VSIG8: variants seen among roughly 807,000 people sequenced by gnomAD.
VSIG8 encodes V-set and immunoglobulin domain-containing protein 8.
VSIG8 carries 32 observed loss-of-function variants against 42.6 expected under a neutral mutation model. The ratio of observed to expected loss-of-function variants is 0.75; its 90% CI spans 0.57 to 1.01. The LOEUF (loss-of-function observed/expected upper bound fraction) is 1.01, where lower values mean the gene tolerates loss of function less well. VSIG8 is among the 50% of genes least tolerant of loss of function. The probability of loss-of-function intolerance (pLI) is 0.00; values close to 1 mark genes in which losing one functional copy is unlikely to be tolerated. For missense variants in VSIG8, 529 were observed against 558.0 expected (o/e 0.95, Z 0.52); for synonymous variants, 290 against 243.8 (o/e 1.19, Z -1.77).
At chr1:159,859,383 T>C (rs1481221009) in intron 1 of VSIG8, among the ~76,000 whole-genome samples, 1 of 152,180 alleles carries the variant, frequency 6.6e-6, no homozygotes, top group Non-Finnish European at 1.5e-5. Context: ...AAATGTCACC[T>C]ATGTGGGCTC....
rs545979876 is a variant in VSIG8, at chr1:159,854,534, G to A, written c.*219C>T. 1,092 of 892,166 alleles carry A rather than the reference G, an allele frequency of 1.2e-3. 2 individuals carry two copies. Among genetic ancestry groups the A allele is most frequent in the Non-Finnish European group, 1.4e-3 (912 of 652,496 alleles). 55.3% of individuals were successfully genotyped at this position (892,166 alleles called of 1,614,324 possible). A position where few individuals can be genotyped will look rare whatever the true frequency, so the allele number is the denominator to read the frequency against. The stretch of plus-strand genomic sequence containing the variant: ...CTTCGGTCCCGGGGGTGCGGAGAAG[G>A]CTCAGGATCGCCTTCCTCCGCCCTC... On this transcript the variant is annotated 3_prime_UTR_variant, in exon 7 of 7. Transcript: ENST00000368100.
rs1033721859 is a variant in VSIG8 at position 159,856,390 on chromosome 1, GA to G, written c.772+133del. The stretch of plus-strand genomic sequence containing the variant: ...CCCACTGATCTTGGCCCACTTGTAG[GA>G]AAGGGGCTGGGAGCCCCCACTGGCA... On this transcript the variant is annotated intron_variant, in intron 5 of 6. Transcript: ENST00000368100. 150 of 1,471,898 alleles carry G rather than the reference GA, an allele frequency of 1.0e-4. No homozygotes were observed. In the African/African-American group the frequency reaches 2.0e-3, roughly 19 times the overall value. 91.2% of individuals were successfully genotyped at this position (1,471,898 alleles called of 1,614,324 possible). A position where few individuals can be genotyped will look rare whatever the true frequency, so the allele number is the denominator to read the frequency against.
intron 6 of VSIG8, chr1:159,855,231 T>C: frequency 6.4e-7 from 1 of 1,551,560 alleles, no homozygotes; most frequent in Non-Finnish European, 8.7e-7. Context: ...GGAGCCAGCA[T>C]CCCCATCCTC....
chr1:159,860,055 C>T (rs1383146705), intron 1 of VSIG8, among the ~76,000 whole-genome samples: 1 of 152,126 alleles, frequency 6.6e-6, no homozygotes, highest in African/African-American at 2.4e-5. Context: ...GCAGGCCCCT[C>T]ACCAGGCCTC....
intron 4 of VSIG8, 73 bp downstream of exon 4, chr1:159,857,672 G>A (rs1478903425): frequency 9.7e-6 from 13 of 1,337,662 alleles, no homozygotes; most frequent in Non-Finnish European, 1.4e-5. Flanking sequence ...GATAACCCAA[G>A]GAAACCCCAA....
intron 1 of VSIG8, among the ~76,000 whole-genome samples, chr1:159,860,367 C>T (rs1571169734): frequency 6.6e-6 from 1 of 152,184 alleles, no homozygotes; most frequent in East Asian, 1.9e-4. Context: ...CATATTAATT[C>T]AAAAGACACA....
At chr1:159,856,464 G>A (rs1648828352) in intron 5 of VSIG8, 60 bp downstream of exon 5, 1 of 1,600,570 alleles carries the variant, frequency 6.2e-7, no homozygotes, top group South Asian at 1.1e-5. Flanking sequence ...CCAAACCAGA[G>A]CCCAGCCTCC....
intron 4 of VSIG8, among the ~76,000 whole-genome samples, chr1:159,857,312 G>A (rs996305102): frequency 2.4e-4 from 37 of 152,098 alleles, no homozygotes; most frequent in African/African-American, 7.5e-4. Context: ...GGTGGCTCAC[G>A]CCTGTAATCC....
chr1:159,862,591 G>T lies in VSIG8; in HGVS notation c.-70C>A. 1 of 1,472,720 alleles carries T rather than the reference G, an allele frequency of 6.8e-7. No individual in the cohort carries two copies. Among genetic ancestry groups the T allele is most frequent in the South Asian group, 1.2e-5 (1 of 82,442 alleles). 91.2% of individuals were successfully genotyped at this position (1,472,720 alleles called of 1,614,324 possible). A position where few individuals can be genotyped will look rare whatever the true frequency, so the allele number is the denominator to read the frequency against. ...GGGGTCGTAGTGGTGGGTGTGAGGG[G>T]GTAGGTGGAGGGAGGGGGAGCTGAG... On this transcript the variant is annotated 5_prime_UTR_variant, in exon 1 of 7. Transcript: ENST00000368100.
At chr1:159,856,328 G>C (rs1308667031) in intron 5 of VSIG8, among the ~76,000 whole-genome samples, 196 bp downstream of exon 5, 1 of 152,122 alleles carries the variant, frequency 6.6e-6, no homozygotes, top group African/African-American at 2.4e-5. Context: ...AGCTGTGCTG[G>C]GCGAGCTTGA....
intron 2 of VSIG8, 148 bp from the exon 3 acceptor site, chr1:159,858,439 T>C (rs890603213): frequency 1.0e-5 from 9 of 871,794 alleles, no homozygotes; most frequent in African/African-American, 1.7e-5. Context: ...GCCACTGACC[T>C]CTTACAGAAC....
chr1:159,860,450 A>T (rs1376040443), intron 1 of VSIG8, among the ~76,000 whole-genome samples: 1 of 152,148 alleles, frequency 6.6e-6, no homozygotes, highest in Non-Finnish European at 1.5e-5. Context: ...CCCTGCCAGG[A>T]AGGCTTAGCC....
Position 159,862,454 on chromosome 1 carries a change from C to T in VSIG8, c.49+19G>A. 1 of 1,607,442 alleles carries T rather than the reference C, an allele frequency of 6.2e-7. No individual in the cohort carries two copies. The highest frequency in any genetic ancestry group is 2.2e-5 in the East Asian group (1 of 44,580). On this transcript the variant is annotated intron_variant, in intron 1 of 6. Transcript: ENST00000368100. ...CCTAGCCTCATGCTGGCTACCCTGC[C>T]CCCTGCCCAGCCCCGTACCTGGGCT...
At chr1:159,862,386 C>A (rs896611348) in intron 1 of VSIG8, 87 bp downstream of exon 1, 2 of 1,447,274 alleles carry the variant, frequency 1.4e-6, no homozygotes, top group Non-Finnish European at 1.9e-6. Flanking sequence ...ACTCAGGCAG[C>A]CCCAGGCTCC....
Position 159,854,741 on chromosome 1 carries a change from C to T in VSIG8, c.*12G>A. 2.7e-6 allele frequency: 4 copies of T among 1,461,488 alleles called. No individual in the cohort carries two copies. Among genetic ancestry groups the T allele is most frequent in the Non-Finnish European group, 3.6e-6 (4 of 1,115,718 alleles). 90.5% of individuals were successfully genotyped at this position (1,461,488 alleles called of 1,614,324 possible). A position where few individuals can be genotyped will look rare whatever the true frequency, so the allele number is the denominator to read the frequency against. On this transcript the variant is annotated 3_prime_UTR_variant, in exon 7 of 7. Transcript: ENST00000368100. ...CTCCTGGCTGGGGCGCAGCCCGGCC[C>T]GGCGCGCGCGCTCACACCAAGAGGC...
intron 1 of VSIG8, chr1:159,862,214 ATG>A (rs1649046102): frequency 2.4e-6 from 1 of 417,770 alleles, no homozygotes; most frequent in African/African-American, 2.0e-5. Context: ...ACCTGCACAC[ATG>A]TGTGAGCCCG....
intron 2 of VSIG8, 79 bp from the exon 3 acceptor site, chr1:159,858,370 T>A: frequency 7.1e-7 from 1 of 1,405,034 alleles, no homozygotes; most frequent in Non-Finnish European, 1.0e-6. Context: ...TTTGGGCAAT[T>A]CACTGAACTT....
In VSIG8 at chr1:159,856,007, T is replaced by C. The variant is rs1341170360; in HGVS notation, c.847A>G (p.Ile283Val). 1.9e-6 allele frequency: 3 copies of C among 1,610,218 alleles called. No homozygotes were observed. The highest frequency in any genetic ancestry group is 2.5e-6 in the Non-Finnish European group (3 of 1,178,504). ...CAGCAGCAGCAGACGAGCCCCCAGATGCCTACGGCCAGGCAGCCCAGCGCG... is the reference window on the plus strand; with the variant it reads ...CAGCAGCAGCAGACGAGCCCCCAGACGCCTACGGCCAGGCAGCCCAGCGCG... ...LLALGCLAVGIWGLVCCCCGG... is the reference protein window; with the variant it reads ...LLALGCLAVGVWGLVCCCCGG... The change falls in exon 6 of 7, where the codon ATC (isoleucine) becomes GTC (valine). Residue 283 changes from isoleucine to valine, a missense_variant. Ile to Val is a conservative substitution (Grantham distance 29). Coordinates refer to ENST00000368100, the MANE Select transcript of VSIG8 (RefSeq NM_001013661.1).
At position 159,858,907 on chromosome 1, in the gene VSIG8, G is replaced by A; in HGVS notation, c.55C>T (p.Leu19=). 1 of 1,613,148 alleles carries A rather than the reference G, an allele frequency of 6.2e-7. No individual in the cohort carries two copies. Among genetic ancestry groups the A allele is most frequent in the East Asian group, 2.2e-5 (1 of 44,862 alleles). The change falls in exon 2 of 7, where the codon CTG becomes TTG. Residue 19 remains leucine, a synonymous_variant. Coordinates refer to ENST00000368100, the MANE Select transcript of VSIG8 (RefSeq NM_001013661.1). ...LLLVCLSPAL[L]SAVRINGDGQ... is the part of the protein sequence containing the mutation. ...TCCCCGTTGATCCGCACAGCAGACA[G>A]CAGTGCTAGGGGGAGGGCAGAGAAG...
Sources: gnomAD v4.1 joint callset for allele counts (sites outside exome capture counted in the v4.1 genomes callset) on GRCh38, gnomAD v4.1.1 for gene constraint, MANE v1.5 for transcripts, NCBI Gene and HGNC (gene_info 2026-07-23, HGNC 2026-07-21) for gene names.